QRICH1: variants seen among roughly 807,000 people sequenced by gnomAD.
The protein encoded by QRICH1 is transcriptional regulator QRICH1.
A neutral mutation model predicts 87.1 loss-of-function variants in QRICH1; 16 were observed. The ratio of observed to expected loss-of-function variants is 0.18; its 90% CI spans 0.12 to 0.28. The LOEUF (loss-of-function observed/expected upper bound fraction) is 0.28, where lower values mean the gene tolerates loss of function less well. Ranked by LOEUF, QRICH1 falls within the 10% of genes least tolerant of loss-of-function variation. QRICH1 has a pLI of 1.00. For missense variants in QRICH1, 647 were observed against 951.7 expected, an observed-to-expected ratio of 0.68 and a Z score of 4.21; for synonymous variants, 367 against 368.4, an observed-to-expected ratio of 1.00 and a Z score of 0.05.
chr3:49,069,897 C>A (rs1428018470), intron 2 of QRICH1, among the ~76,000 whole-genome samples: 1 of 152,098 alleles, frequency 6.6e-6, no homozygotes, highest in Non-Finnish European at 1.5e-5. Flanking sequence ...GTTTTGAAGT[C>A]TCTAGTCAAT....
chr3:49,032,812 C>A, intron 7 of QRICH1, 39 bp from the exon 8 acceptor site: 1 of 1,581,056 alleles, frequency 6.3e-7, no homozygotes, highest in Non-Finnish European at 8.6e-7. Context: ...GGGAGGGGTG[C>A]CGGGAGGATA....
intron 6 of QRICH1, among the ~76,000 whole-genome samples, chr3:49,035,648 TA>T (rs971371469): frequency 2.3e-4 from 31 of 133,422 alleles, no homozygotes; most frequent in Non-Finnish European, 4.1e-4. Flanking sequence ...ACAAAAACCT[TA>T]AAAAAAAAAA....
At chr3:49,043,827 C>T (rs1429117159) in intron 6 of QRICH1, among the ~76,000 whole-genome samples, 2 of 152,004 alleles carry the variant, frequency 1.3e-5, no homozygotes, top group African/African-American at 4.8e-5. Flanking sequence ...AGTGAGACTC[C>T]GTTTCAAACA....
At chr3:49,076,251 T>A (rs2041947706) in intron 2 of QRICH1, among the ~76,000 whole-genome samples, 1 of 152,160 alleles carries the variant, frequency 6.6e-6, no homozygotes, top group African/African-American at 2.4e-5. Flanking sequence ...CACCACAGTG[T>A]TGGTCAGCCT....
Position 49,057,138 on chromosome 3 carries a change from C to A in QRICH1, c.1062G>T (p.Leu354=). The A allele has an allele frequency of 6.2e-7, 1 of 1,614,226 alleles. No individual in the cohort carries two copies. The highest frequency in any genetic ancestry group is 8.5e-7 in the Non-Finnish European group (1 of 1,180,048). The part of the protein sequence containing the change: ...GSPTALAAVK[L]EDDKEKMVGT... Reference sequence around the variant, plus strand: ...CCACCATCTTCTCCTTGTCATCCTCCAGCTTAACAGCTGCCAGGGCTGTGG... The same window carrying A: ...CCACCATCTTCTCCTTGTCATCCTCAAGCTTAACAGCTGCCAGGGCTGTGG... Residue 354 remains leucine (L), a synonymous_variant, in exon 3 of 10, where the codon CTG becomes CTT. Coordinates refer to ENST00000395443, the MANE Select transcript of QRICH1 (RefSeq NM_198880.3). The surrounding 1 kb of genome is among the most constrained non-coding windows in gnomAD (Gnocchi z 5.4).
intron 1 of QRICH1, among the ~76,000 whole-genome samples, chr3:49,088,275 T>G (rs2042208488): frequency 6.6e-6 from 1 of 151,936 alleles, no homozygotes; most frequent in Non-Finnish European, 1.5e-5. Context: ...TTTCTATTCT[T>G]TTGCCTGGGT....
intron 1 of QRICH1, among the ~76,000 whole-genome samples, chr3:49,080,374 G>C (rs2042034719): frequency 6.6e-6 from 1 of 151,702 alleles, no homozygotes; most frequent in Non-Finnish European, 1.5e-5. Flanking sequence ...TTTACATGCA[G>C]CAAAAACCTG....
chr3:49,062,213 T>C (rs2106924265), intron 2 of QRICH1, among the ~76,000 whole-genome samples: 1 of 151,896 alleles, frequency 6.6e-6, no homozygotes, highest in South Asian at 2.1e-4. Context: ...CACATGCTTG[T>C]AATCCCAGCT....
chr3:49,072,369 CAA>C (rs1011137069), intron 2 of QRICH1, among the ~76,000 whole-genome samples: 8 of 151,560 alleles, frequency 5.3e-5, no homozygotes, highest in Non-Finnish European at 8.8e-5. Context: ...ATCAAAAATA[CAA>C]AAAATTAGGC....
At chr3:49,076,625 A>G in intron 2 of QRICH1, 84 bp downstream of exon 2, 1 of 1,253,066 alleles carries the variant, frequency 8.0e-7, no homozygotes, top group Non-Finnish European at 1.1e-6. Flanking sequence ...TAACATCCAC[A>G]TAGATGTGAT....
intron 2 of QRICH1, among the ~76,000 whole-genome samples, chr3:49,065,821 C>A (rs893356354): frequency 6.6e-6 from 1 of 152,104 alleles, no homozygotes; most frequent in Non-Finnish European, 1.5e-5. Context: ...GCTGGGACTA[C>A]AGGCACCCGC....
chr3:49,079,840 C>G (rs1161573999), intron 1 of QRICH1, among the ~76,000 whole-genome samples: 1 of 152,082 alleles, frequency 6.6e-6, no homozygotes, highest in Non-Finnish European at 1.5e-5. Flanking sequence ...ACCAGCCTGG[C>G]CAACAAGGCG....
At chr3:49,049,795 G>A (rs2093359721) in intron 3 of QRICH1, among the ~76,000 whole-genome samples, 1 of 151,908 alleles carries the variant, frequency 6.6e-6, no homozygotes, top group Non-Finnish European at 1.5e-5. Flanking sequence ...ACCATACCCG[G>A]CCAGATTCTG....
intron 1 of QRICH1, chr3:49,093,495 C>T (rs1302990198): frequency 4.6e-5 from 7 of 152,036 alleles, no homozygotes; most frequent in Admixed American, 4.6e-4. Context: ...AGCACCGCCA[C>T]CCGATATCAG....
At position 49,071,335 on chromosome 3, in the gene QRICH1, C is replaced by T. The variant is rs1022586919; in HGVS notation, c.309+5374G>A. Among the ~76,000 whole-genome samples, 4 of 152,242 alleles carry T rather than the reference C, an allele frequency of 2.6e-5. No homozygotes were observed. In the East Asian group the frequency reaches 7.7e-4, roughly 29 times the overall value. ...TGCTGGGATTACAGGCATGAACCAC[C>T]GCACCCAGCCCCAAACTCTTTAATC... On this transcript the variant is annotated intron_variant, in intron 2 of 9. Transcript: ENST00000395443.
chr3:49,061,122 G>T (rs1397406621), intron 2 of QRICH1, among the ~76,000 whole-genome samples: 2 of 122,434 alleles, frequency 1.6e-5, no homozygotes, highest in African/African-American at 6.4e-5. Context: ...GTGACAGAGT[G>T]AGCCTCCATC....
chr3:49,039,023 T>C (rs1449914398), intron 6 of QRICH1, among the ~76,000 whole-genome samples: 1 of 151,226 alleles, frequency 6.6e-6, no homozygotes, highest in Non-Finnish European at 1.5e-5. Flanking sequence ...TGAGACTCCA[T>C]CTCAAAAAAA....
At chr3:49,084,852 G>T (rs1229371915) in intron 1 of QRICH1, among the ~76,000 whole-genome samples, 1 of 152,152 alleles carries the variant, frequency 6.6e-6, no homozygotes, top group Non-Finnish European at 1.5e-5. Context: ...ACACTCTTCT[G>T]AATTTTCCAC....
intron 1 of QRICH1, among the ~76,000 whole-genome samples, chr3:49,089,795 G>A (rs907222234): frequency 1.3e-5 from 2 of 152,166 alleles, no homozygotes; most frequent in Non-Finnish European, 2.9e-5. Flanking sequence ...TACGGAGATG[G>A]TAAATGTAAA....
Sources: gnomAD v4.1 joint callset for allele counts (sites outside exome capture counted in the v4.1 genomes callset) on GRCh38, gnomAD v4.1.1 for gene constraint, Gnocchi (gnomAD v3.1) non-coding constraint, MANE v1.5 for transcripts, NCBI Gene and HGNC (gene_info 2026-07-23, HGNC 2026-07-21) for gene names.